The following ADD3 variants were observed in gnomAD, a reference collection of about 807,000 sequenced individuals.
ADD3 encodes adducin 3.
Under a neutral mutation model 80.2 loss-of-function variants are expected in ADD3, and 25 were observed. That is an observed-to-expected ratio of 0.31 (90% CI 0.23 to 0.44). ADD3 has a LOEUF of 0.44. ADD3 is among the 20% of genes least tolerant of loss of function. ADD3 has a pLI of 1.00. For missense variants in ADD3, 829 were observed against 847.5 expected (o/e 0.98, Z 0.27); for synonymous variants, 284 against 289.6 (o/e 0.98, Z 0.20).
chr10:110,041,189 A>G (rs778077589), intron 1 of ADD3, among the ~76,000 whole-genome samples: 1 of 152,242 alleles, frequency 6.6e-6, no homozygotes, highest in Non-Finnish European at 1.5e-5. Flanking sequence ...TTGAACATAG[A>G]GATCTGGAGC....
chr10:110,106,767 A>G (rs1252840969), intron 2 of ADD3, among the ~76,000 whole-genome samples: 1 of 152,146 alleles, frequency 6.6e-6, no homozygotes, highest in Middle Eastern at 3.2e-3. Flanking sequence ...TGTTCAAACT[A>G]TAATGTTCTG....
intron 1 of ADD3, among the ~76,000 whole-genome samples, chr10:110,068,969 T>C (rs566973391): frequency 6.6e-6 from 1 of 151,972 alleles, no homozygotes; most frequent in Admixed American, 6.5e-5. Context: ...CCCAGCTACT[T>C]GGGAGGCTGA....
chr10:110,091,806 GAC>G (rs2133871040), intron 1 of ADD3, among the ~76,000 whole-genome samples: 1 of 152,310 alleles, frequency 6.6e-6, no homozygotes, highest in East Asian at 1.9e-4. Context: ...GTAGAAAACA[GAC>G]AACCTGCAGA....
chr10:110,072,269 G>A (rs1347561650), intron 1 of ADD3, among the ~76,000 whole-genome samples: 1 of 152,136 alleles, frequency 6.6e-6, no homozygotes, highest in African/African-American at 2.4e-5. Context: ...GTTTCACCAT[G>A]TTAGCCAGGA....
chr10:110,103,375 A>G (rs964296282), intron 2 of ADD3, among the ~76,000 whole-genome samples: 3 of 152,190 alleles, frequency 2.0e-5, no homozygotes, highest in East Asian at 1.9e-4. Context: ...GTTGCAGTCA[A>G]TATGTTAGCC....
At chr10:110,119,589 T>C (rs1278077519) in intron 8 of ADD3, 25 bp downstream of exon 8, 17 of 1,580,378 alleles carry the variant, frequency 1.1e-5, no homozygotes, top group Non-Finnish European at 1.5e-5. Context: ...TCCCCTTTTT[T>C]AATTGCTTTG....
At chr10:110,038,359 C>T (rs2133263068) in intron 1 of ADD3, among the ~76,000 whole-genome samples, 1 of 152,268 alleles carries the variant, frequency 6.6e-6, no homozygotes, top group South Asian at 2.1e-4. Flanking sequence ...TGCAGCCAGC[C>T]TGTAAGGAAG....
chr10:110,086,031 G>A (rs537580626), intron 1 of ADD3, among the ~76,000 whole-genome samples: 14 of 152,234 alleles, frequency 9.2e-5, no homozygotes, highest in Non-Finnish European at 1.3e-4. Context: ...CTTGAACCTG[G>A]GAGGCGGAAG....
chr10:110,097,895 C>T (rs948929594), intron 1 of ADD3, among the ~76,000 whole-genome samples: 3 of 151,996 alleles, frequency 2.0e-5, no homozygotes, highest in Non-Finnish European at 4.4e-5. Flanking sequence ...CTGCCTCAGC[C>T]TCCTGAGTAG....
intron 10 of ADD3, 153 bp from the exon 11 acceptor site, chr10:110,125,673 T>C: frequency 2.3e-6 from 1 of 441,168 alleles, no homozygotes; most frequent in Non-Finnish European, 3.9e-6. Context: ...TTCTAACTAG[T>C]ATGAGATGAA....
chr10:110,055,093 G>A (rs933102130), intron 1 of ADD3, among the ~76,000 whole-genome samples: 1 of 152,196 alleles, frequency 6.6e-6, no homozygotes, highest in African/African-American at 2.4e-5. Context: ...TTCATGTAAA[G>A]TGTTTACCTC....
At chr10:110,079,829 C>T (rs1260968407) in intron 1 of ADD3, among the ~76,000 whole-genome samples, 4 of 152,228 alleles carry the variant, frequency 2.6e-5, no homozygotes, top group Non-Finnish European at 5.9e-5. Flanking sequence ...GCGTGAGCCA[C>T]TGCACCCAGC....
intron 2 of ADD3, among the ~76,000 whole-genome samples, chr10:110,105,332 G>A (rs12243398): frequency 6.6e-6 from 1 of 151,898 alleles, no homozygotes; most frequent in African/African-American, 2.4e-5. Context: ...AAAACGAAGT[G>A]TTCAGGACAA....
intron 1 of ADD3, among the ~76,000 whole-genome samples, chr10:110,097,685 A>C (rs1487686972): frequency 6.6e-6 from 1 of 152,038 alleles, no homozygotes; most frequent in African/African-American, 2.4e-5. Context: ...ATCTGATCCA[A>C]GATTACATGT....
chr10:110,036,032 TC>T (rs1036773222), intron 1 of ADD3, among the ~76,000 whole-genome samples: 2 of 151,936 alleles, frequency 1.3e-5, no homozygotes, highest in African/African-American at 2.4e-5. Flanking sequence ...ATGCCTGTAA[TC>T]CCAGCTACTC....
At chr10:110,074,683 A>G (rs1845183851) in intron 1 of ADD3, among the ~76,000 whole-genome samples, 1 of 152,164 alleles carries the variant, frequency 6.6e-6, no homozygotes, top group Non-Finnish European at 1.5e-5. Flanking sequence ...ACTAATCGCA[A>G]GTCATTTTAT....
rs564647015 is a variant in ADD3, at chr10:110,060,106, C to T, written c.-29-40519C>T. Among the ~76,000 whole-genome samples the T allele has an allele frequency of 2.0e-5, 3 of 152,280 alleles. No individual in the cohort carries two copies. In the East Asian group the frequency reaches 5.8e-4, roughly 29 times the overall value. ...ATTTATGTTTTTTAGACTGCGACTTCCTGTTCAGCTGAGAAGATAGTCCTG... is the reference window on the plus strand; with the variant it reads ...ATTTATGTTTTTTAGACTGCGACTTTCTGTTCAGCTGAGAAGATAGTCCTG... On this transcript the variant is annotated intron_variant, in intron 1 of 14. Transcript: ENST00000356080.
intron 1 of ADD3, among the ~76,000 whole-genome samples, chr10:110,055,850 A>G (rs1858123730): frequency 6.6e-6 from 1 of 152,254 alleles, no homozygotes; most frequent in Non-Finnish European, 1.5e-5. Context: ...GAGATTACAC[A>G]GCTCCTTCTA....
intron 1 of ADD3, among the ~76,000 whole-genome samples, chr10:110,031,917 T>C (rs566079988): frequency 6.6e-6 from 1 of 152,094 alleles, no homozygotes; most frequent in Non-Finnish European, 1.5e-5. Context: ...TTTTTTTTTT[T>C]TGTGATAACA....
Sources: gnomAD v4.1 joint callset for allele counts (sites outside exome capture counted in the v4.1 genomes callset) on GRCh38, gnomAD v4.1.1 for gene constraint, MANE v1.5 for transcripts, NCBI Gene and HGNC (gene_info 2026-07-23, HGNC 2026-07-21) for gene names.